Variants in CCDC102B observed in about 807,000 individuals in gnomAD.
The protein encoded by CCDC102B is coiled-coil domain containing 102B.
A neutral mutation model predicts 57.4 loss-of-function variants in CCDC102B; 75 were observed. That is an observed-to-expected ratio of 1.31 (90% confidence interval 1.08 to 1.58). The LOEUF (loss-of-function observed/expected upper bound fraction) is 1.58. Among genes scored for constraint, CCDC102B ranks in the 40% most tolerant of loss-of-function variants. The probability of loss-of-function intolerance (pLI) is 0.00; values close to 1 mark genes in which losing one functional copy is unlikely to be tolerated. For synonymous variants in CCDC102B, 206 were observed against 201.9 expected (o/e 1.02, Z -0.17); for missense variants, 636 against 582.6 (o/e 1.09, Z -0.94).
In CCDC102B at chr18:68,943,290, G is replaced by C. The variant is rs1290520167; in HGVS notation, c.1263+45862G>C. Among the ~76,000 whole-genome samples, 5 of 152,190 alleles carry C rather than the reference G, an allele frequency of 3.3e-5. No individual in the cohort carries two copies. The East Asian group carries it at 9.7e-4, about 29-fold the overall frequency. ...TTGTTCTTACTCATTTCAAACTCAT[G>C]AATTAAGTAGACTTTTAATTGAGGG... is the stretch of plus-strand genomic sequence containing the variant. On this transcript the variant is annotated intron_variant, in intron 6 of 7. Transcript: ENST00000360242.
At chr18:69,053,746 T>A (rs1048604929) in intron 7 of CCDC102B, among the ~76,000 whole-genome samples, 1 of 151,904 alleles carries the variant, frequency 6.6e-6, no homozygotes, top group South Asian at 2.1e-4. Flanking sequence ...GAATGGATCC[T>A]CATGTTTTTC....
At chr18:68,738,618 G>A (rs1410536611) in intron 2 of CCDC102B, among the ~76,000 whole-genome samples, 1 of 152,188 alleles carries the variant, frequency 6.6e-6, no homozygotes, top group Non-Finnish European at 1.5e-5. Context: ...CACGATGGCT[G>A]CTTCATCTGA....
chr18:68,828,322 CA>C (rs58180806), intron 1 of CCDC102B, among the ~76,000 whole-genome samples: 1,119 of 80,724 alleles, frequency 0.014, 1 homozygote, highest in African/African-American at 0.04. Flanking sequence ...ACCCTATTTA[CA>C]AAAAAAAAAA....
chr18:68,967,469 T>C (rs916728312), intron 6 of CCDC102B, among the ~76,000 whole-genome samples: 2 of 152,134 alleles, frequency 1.3e-5, no homozygotes, highest in African/African-American at 4.8e-5. Flanking sequence ...ATCATAATTA[T>C]AAATGAATAA....
intron 6 of CCDC102B, among the ~76,000 whole-genome samples, chr18:68,996,535 A>G (rs2051033457): frequency 2.6e-5 from 4 of 152,076 alleles, no homozygotes; most frequent in Admixed American, 2.6e-4. Context: ...TTAGTTCTGT[A>G]CCTTTGGAGA....
At chr18:68,723,510 C>A (rs8088942) in intron 2 of CCDC102B, among the ~76,000 whole-genome samples, 1 of 152,140 alleles carries the variant, frequency 6.6e-6, no homozygotes, top group East Asian at 1.9e-4. Context: ...ACAATGAGGG[C>A]GCAAGGATTG....
intron 3 of CCDC102B, among the ~76,000 whole-genome samples, chr18:68,840,160 C>G (rs1421164791): frequency 3.3e-5 from 5 of 151,976 alleles, no homozygotes; most frequent in Non-Finnish European, 5.9e-5. Flanking sequence ...GTTCCAAAAT[C>G]TAAAAATAAT....
At chr18:68,715,328 G>A (rs1475483521) in exon 1 of CCDC102B, 1 of 990,914 alleles carries the variant, frequency 1.0e-6, no homozygotes, top group South Asian at 2.2e-5. Flanking sequence ...TTTCCGGGAA[G>A]GTGAATACCG....
intron 1 of CCDC102B, among the ~76,000 whole-genome samples, chr18:68,826,658 C>T (rs1018847124): frequency 9.9e-5 from 15 of 151,986 alleles, no homozygotes; most frequent in South Asian, 2.1e-4. Context: ...TTTTAAAAAA[C>T]GATATACAAA....
intron 6 of CCDC102B, chr18:68,908,234 T>C (rs1426803254): frequency 6.6e-6 from 1 of 152,192 alleles, no homozygotes; most frequent in Non-Finnish European, 1.5e-5. Flanking sequence ...GATATTGGTG[T>C]GTAGTTTTCC....
chr18:68,735,685 C>T (rs181023368), intron 2 of CCDC102B, among the ~76,000 whole-genome samples: 5 of 152,182 alleles, frequency 3.3e-5, no homozygotes, highest in African/African-American at 1.2e-4. Flanking sequence ...ACTGCTTGCA[C>T]TTCTTACCAG....
At chr18:68,960,986 C>A (rs2050033332) in intron 6 of CCDC102B, among the ~76,000 whole-genome samples, 1 of 152,138 alleles carries the variant, frequency 6.6e-6, no homozygotes, top group African/African-American at 2.4e-5. Context: ...CAGTGGGCTA[C>A]AGTTTCCTTT....
intron 6 of CCDC102B, among the ~76,000 whole-genome samples, chr18:68,997,222 A>G (rs942998573): frequency 1.3e-5 from 2 of 152,176 alleles, no homozygotes; most frequent in African/African-American, 4.8e-5. Context: ...GAAGTTCTTT[A>G]TCGGAGTGTG....
At chr18:68,759,819 A>T (rs1241673031) in intron 2 of CCDC102B, among the ~76,000 whole-genome samples, 2 of 152,076 alleles carry the variant, frequency 1.3e-5, no homozygotes, top group Non-Finnish European at 2.9e-5. Context: ...TCCCTGCTAT[A>T]GGGGACCACA....
chr18:68,912,967 A>G (rs922131805), intron 6 of CCDC102B, among the ~76,000 whole-genome samples: 1 of 152,206 alleles, frequency 6.6e-6, no homozygotes, highest in African/African-American at 2.4e-5. Flanking sequence ...TATTTTCACT[A>G]AAATGGCTAT....
chr18:68,769,208 G>A (rs1291976556), intron 2 of CCDC102B, among the ~76,000 whole-genome samples: 1 of 150,970 alleles, frequency 6.6e-6, no homozygotes, highest in Admixed American at 6.6e-5. Flanking sequence ...AGCCGAAATC[G>A]TGCCATTACA....
chr18:69,048,223 T>G (rs1341079132), intron 7 of CCDC102B, among the ~76,000 whole-genome samples: 1 of 144,298 alleles, frequency 6.9e-6, no homozygotes, highest in Admixed American at 6.8e-5. Context: ...TGTGTGTGTG[T>G]TTTTTTTTTC....
chr18:68,965,573 C>T (rs975647075), intron 6 of CCDC102B, among the ~76,000 whole-genome samples: 2 of 151,218 alleles, frequency 1.3e-5, no homozygotes, highest in African/African-American at 4.8e-5. Context: ...AACAAACCTG[C>T]ACATTGTGCA....
chr18:68,917,106 T>C (rs1234239948), intron 6 of CCDC102B, among the ~76,000 whole-genome samples: 1 of 152,200 alleles, frequency 6.6e-6, no homozygotes, highest in Non-Finnish European at 1.5e-5. Flanking sequence ...GTTCATAGCT[T>C]TGTGCTCTTT....
Sources: gnomAD v4.1 joint callset for allele counts (sites outside exome capture counted in the v4.1 genomes callset) on GRCh38, gnomAD v4.1.1 for gene constraint, MANE v1.5 for transcripts, NCBI Gene and HGNC (gene_info 2026-07-23, HGNC 2026-07-21) for gene names.